CNTN5: variants seen among roughly 807,000 people sequenced by gnomAD.
CNTN5 encodes contactin 5, also known as contactin-5.
In CNTN5, 77 loss-of-function variants were observed where a neutral mutation model predicts 129.1. That is an observed-to-expected ratio of 0.60 (90% confidence interval 0.50 to 0.72). The LOEUF (loss-of-function observed/expected upper bound fraction) is 0.72, where lower values mean the gene tolerates loss of function less well. Ranked by LOEUF, CNTN5 falls within the 30% of genes least tolerant of loss-of-function variation. The pLI is 0.00. For missense variants in CNTN5, 1,478 were observed against 1,328.8 expected (o/e 1.11, Z -1.75); for synonymous variants, 509 against 465.6 (o/e 1.09, Z -1.20).
In CNTN5 at chr11:99,767,934, G is replaced by A. The variant is rs78140411; in HGVS notation, c.56-51610G>A. 9.7e-3 allele frequency among the ~76,000 whole-genome samples: 1,478 copies of A among 151,976 alleles called. 19 individuals carry two copies. Among genetic ancestry groups the A allele is most frequent in the African/African-American group, 0.034 (1,404 of 41,488 alleles). On this transcript the variant is annotated intron_variant, in intron 3 of 24. Coordinates refer to ENST00000524871, the MANE Select transcript of CNTN5 (RefSeq NM_014361.4). ...AATGAACACCCATATAAATACTCAC[G>A]TAGCTCAGGGATCTTCAAACTAGAG...
chr11:99,095,294 T>G (rs530807024), intron 1 of CNTN5, among the ~76,000 whole-genome samples: 1 of 152,054 alleles, frequency 6.6e-6, no homozygotes, highest in Non-Finnish European at 1.5e-5. Context: ...CACTATTACC[T>G]CTACTCCTCC....
chr11:99,207,017 G>A (rs1345363158), intron 1 of CNTN5, among the ~76,000 whole-genome samples: 5 of 151,834 alleles, frequency 3.3e-5, no homozygotes, highest in African/African-American at 7.3e-5. Flanking sequence ...TTATTAAAGT[G>A]GATAAAAATA....
chr11:100,108,002 T>G (rs1861608818), intron 13 of CNTN5, among the ~76,000 whole-genome samples: 1 of 144,320 alleles, frequency 6.9e-6, no homozygotes, highest in Non-Finnish European at 1.5e-5. Flanking sequence ...TTTTTTTTTT[T>G]GTAAAGAAAA....
At chr11:99,410,167 G>GA in intron 2 of CNTN5, among the ~76,000 whole-genome samples, 1 of 152,182 alleles carries the variant, frequency 6.6e-6, no homozygotes, top group East Asian at 1.9e-4. Flanking sequence ...TGAATTATAG[G>GA]AAAAAGAAAT....
At chr11:99,581,515 C>T (rs565250649) in intron 3 of CNTN5, among the ~76,000 whole-genome samples, 6 of 150,550 alleles carry the variant, frequency 4.0e-5, no homozygotes, top group African/African-American at 9.8e-5. Context: ...TCTGGGTGCT[C>T]CTGTATTGGG....
At chr11:99,878,320 A>T (rs1180859111) in intron 6 of CNTN5, among the ~76,000 whole-genome samples, 3 of 152,162 alleles carry the variant, frequency 2.0e-5, no homozygotes, top group Non-Finnish European at 4.4e-5. Flanking sequence ...GTCATAAAAG[A>T]TATATAAGTT....
At chr11:99,657,651 G>C (rs73555653) in intron 3 of CNTN5, among the ~76,000 whole-genome samples, 1 of 152,040 alleles carries the variant, frequency 6.6e-6, no homozygotes, top group East Asian at 1.9e-4. Context: ...AGAGACCTGA[G>C]TAGTTTTTAG....
In CNTN5 at chr11:99,759,390, T is replaced by G. The variant is rs527800502; in HGVS notation, c.56-60154T>G. On this transcript the variant is annotated intron_variant, in intron 3 of 24. Coordinates refer to ENST00000524871, the MANE Select transcript of CNTN5 (RefSeq NM_014361.4). ...CATGAGTTCATCATTTAAAACAAAT[T>G]CAGACATTGCCATTTATCTGCTGAA... Among the ~76,000 whole-genome samples the G allele has an allele frequency of 2.0e-5, 3 of 152,088 alleles. No homozygotes were observed. The South Asian group carries it at 6.2e-4, about 32-fold the overall frequency.
intron 3 of CNTN5, among the ~76,000 whole-genome samples, chr11:99,622,837 G>A (rs1359826985): frequency 4.0e-5 from 6 of 149,924 alleles, no homozygotes; most frequent in African/African-American, 4.9e-5. Context: ...TTAGAAAACT[G>A]AAAAAAAAAG....
intron 3 of CNTN5, among the ~76,000 whole-genome samples, chr11:99,707,590 C>A (rs1265473119): frequency 1.3e-5 from 2 of 151,578 alleles, no homozygotes; most frequent in Non-Finnish European, 3.0e-5. Flanking sequence ...TTAGAGATAG[C>A]CACATAGTCT....
At chr11:100,039,574 G>C (rs1942250973) in intron 9 of CNTN5, among the ~76,000 whole-genome samples, 1 of 152,150 alleles carries the variant, frequency 6.6e-6, no homozygotes. Context: ...TTTCCACCTT[G>C]GTTCCATTCT....
chr11:100,000,152 TATA>T (rs1161334713), intron 8 of CNTN5, among the ~76,000 whole-genome samples: 5 of 151,820 alleles, frequency 3.3e-5, no homozygotes, highest in East Asian at 1.9e-4. Flanking sequence ...AAACTTAAAG[TATA>T]ATAATAATAA....
In CNTN5 at chr11:99,845,183, G is replaced by A. The variant is rs1283515241; in HGVS notation, c.498G>A (p.Lys166=). 1.2e-6 allele frequency: 2 copies of A among 1,613,660 alleles called. No individual in the cohort carries two copies. Among genetic ancestry groups the A allele is most frequent in the East Asian group, 2.2e-5 (1 of 44,818 alleles). Residue 166 remains lysine (K), a synonymous_variant, in exon 6 of 25, where the codon AAG becomes AAA. Transcript: ENST00000524871. ...TTATAAGCAATCCAAGTGAAGCAAA[G>A]GATTCTGGTCATTATCAGTGTTTAG... ...TFIISNPSEA[K]DSGHYQCLAT... is the part of the protein sequence containing the mutation.
intron 3 of CNTN5, among the ~76,000 whole-genome samples, chr11:99,710,446 C>G (rs1427162695): frequency 1.3e-5 from 2 of 151,682 alleles, no homozygotes; most frequent in African/African-American, 4.8e-5. Context: ...TGTTGTCGTT[C>G]CTGTTGTTGC....
At chr11:99,782,672 C>T (rs1357657110) in intron 3 of CNTN5, among the ~76,000 whole-genome samples, 5 of 151,816 alleles carry the variant, frequency 3.3e-5, no homozygotes, top group African/African-American at 4.8e-5. Context: ...GAAATAACGC[C>T]GCATATCCAC....
At chr11:99,225,329 T>G (rs543805519) in intron 1 of CNTN5, among the ~76,000 whole-genome samples, 92 of 152,222 alleles carry the variant, frequency 6.0e-4, no homozygotes, top group Non-Finnish European at 1.1e-3. Flanking sequence ...AAAGCATGGT[T>G]ACCGCTGGAA....
chr11:99,135,350 T>A (rs541171084), intron 1 of CNTN5, among the ~76,000 whole-genome samples: 1 of 151,740 alleles, frequency 6.6e-6, no homozygotes, highest in South Asian at 2.1e-4. Flanking sequence ...TGGAGAAAAA[T>A]GATAGGTGAT....
chr11:99,364,249 A>G (rs2136115310), intron 2 of CNTN5, among the ~76,000 whole-genome samples: 1 of 152,262 alleles, frequency 6.6e-6, no homozygotes, highest in African/African-American at 2.4e-5. Flanking sequence ...CAGCTCAGAA[A>G]TATCAATATG....
chr11:99,427,472 T>G (rs1943171838), intron 2 of CNTN5, among the ~76,000 whole-genome samples: 1 of 151,996 alleles, frequency 6.6e-6, no homozygotes, highest in Non-Finnish European at 1.5e-5. Flanking sequence ...GGATTAAAAG[T>G]GAAAATTTCT....
Sources: gnomAD v4.1 joint callset for allele counts (sites outside exome capture counted in the v4.1 genomes callset) on GRCh38, gnomAD v4.1.1 for gene constraint, MANE v1.5 for transcripts, NCBI Gene and HGNC (gene_info 2026-07-23, HGNC 2026-07-21) for gene names.